Variants in VPS41 observed in about 807,000 individuals in gnomAD.
The protein encoded by VPS41 is VPS41 subunit of HOPS complex.
A neutral mutation model predicts 130.9 loss-of-function variants in VPS41; 85 were observed. The observed-to-expected ratio is 0.65, with a 90% CI of 0.55 to 0.78. The LOEUF (loss-of-function observed/expected upper bound fraction) is 0.78. Among genes scored for constraint, VPS41 ranks in the 30% least tolerant of loss-of-function variants. The pLI, the probability that VPS41 is intolerant of heterozygous loss-of-function variation, is 0.00. For synonymous variants in VPS41, 335 were observed against 332.9 expected, an observed-to-expected ratio of 1.01 and a Z score of -0.07; for missense variants, 874 against 1,018.7, an observed-to-expected ratio of 0.86 and a Z score of 1.93.
chr7:38,901,013 G>A lies in VPS41; in HGVS notation c.22-2884C>T, dbSNP rs17701257. On this transcript the variant is annotated intron_variant, in intron 1 of 28. Coordinates refer to ENST00000310301, the MANE Select transcript of VPS41 (RefSeq NM_014396.4). ...TTGAGAAAGGTAACAATTTGAGAAT[G>A]AGTCAGTGGTTTTCAAACTTTTTTT... 1.3e-3 allele frequency among the ~76,000 whole-genome samples: 197 copies of A among 152,332 alleles called. 1 individual carries two copies. The East Asian group carries it at 0.022, about 17-fold the overall frequency.
intron 25 of VPS41, among the ~76,000 whole-genome samples, chr7:38,740,711 AC>A (rs1795863766): frequency 6.6e-6 from 1 of 151,708 alleles, no homozygotes; most frequent in South Asian, 2.1e-4. Context: ...TCACACCCCC[AC>A]CCCCATCTTT....
Position 38,809,714 on chromosome 7 carries a change from C to T in VPS41, c.450+8103G>A, listed in dbSNP as rs115985202. Among the ~76,000 whole-genome samples the T allele has an allele frequency of 8.1e-3, 1,227 of 152,208 alleles. 18 individuals are homozygous for T. The highest frequency in any genetic ancestry group is 0.028 in the African/African-American group (1,167 of 41,526). ...CAGCTTACAAAGCAACTTGCCCCTG[C>T]GGCCAGGTCCCCTCATTCTATCCCA... On this transcript the variant is annotated intron_variant, in intron 7 of 28. Transcript: ENST00000310301.
At chr7:38,747,079 G>C (rs1355497236) in intron 22 of VPS41, among the ~76,000 whole-genome samples, 2 of 151,998 alleles carry the variant, frequency 1.3e-5, no homozygotes, top group Admixed American at 1.3e-4. Context: ...AGCTAATACC[G>C]AGAAAATCTT....
At chr7:38,729,780 G>A (rs1034519588) in intron 25 of VPS41, among the ~76,000 whole-genome samples, 1 of 152,166 alleles carries the variant, frequency 6.6e-6, no homozygotes, top group African/African-American at 2.4e-5. Flanking sequence ...GGACACAGCA[G>A]GGACAGGCGA....
At chr7:38,836,333 A>G (rs1785492974) in intron 4 of VPS41, among the ~76,000 whole-genome samples, 1 of 152,062 alleles carries the variant, frequency 6.6e-6, no homozygotes, top group Admixed American at 6.6e-5. Context: ...GTACTTAATT[A>G]TTTACTACAG....
At chr7:38,904,058 A>C (rs967822904) in intron 1 of VPS41, among the ~76,000 whole-genome samples, 3 of 152,148 alleles carry the variant, frequency 2.0e-5, no homozygotes, top group Admixed American at 1.3e-4. Context: ...CTGATTCAGT[A>C]GGTTTAAAAT....
chr7:38,838,169 T>G (rs1168263515), intron 4 of VPS41, among the ~76,000 whole-genome samples: 1 of 152,004 alleles, frequency 6.6e-6, no homozygotes, highest in Non-Finnish European at 1.5e-5. Flanking sequence ...AACAAATGCC[T>G]TACGTACATC....
chr7:38,806,189 G>C (rs1006355996), intron 7 of VPS41, among the ~76,000 whole-genome samples: 6 of 152,106 alleles, frequency 3.9e-5, no homozygotes, highest in African/African-American at 1.4e-4. Context: ...AAGTTTTCTG[G>C]AATACAATTT....
chr7:38,881,932 C>T (rs184523841), intron 2 of VPS41, among the ~76,000 whole-genome samples: 5 of 152,292 alleles, frequency 3.3e-5, no homozygotes, highest in Non-Finnish European at 4.4e-5. Flanking sequence ...CAGCAGCATG[C>T]TTTCTGAATA....
At position 38,814,987 on chromosome 7, in the gene VPS41, A is replaced by G. The variant is rs963941749; in HGVS notation, c.450+2830T>C. Reference sequence around the variant, plus strand: ...GCAGCTCCAACCAATATCCCAATTGAACCCTCATGAGCAACCTTCAGCCAG... The same window carrying G: ...GCAGCTCCAACCAATATCCCAATTGGACCCTCATGAGCAACCTTCAGCCAG... On this transcript the variant is annotated intron_variant, in intron 7 of 28. Coordinates refer to ENST00000310301, the MANE Select transcript of VPS41 (RefSeq NM_014396.4). Among the ~76,000 whole-genome samples the G allele has an allele frequency of 2.6e-5, 4 of 152,316 alleles. No individual in the cohort carries two copies. In the East Asian group the frequency reaches 7.7e-4, roughly 29 times the overall value.
At chr7:38,891,889 A>C (rs1786875347) in intron 2 of VPS41, among the ~76,000 whole-genome samples, 1 of 152,118 alleles carries the variant, frequency 6.6e-6, no homozygotes, top group Non-Finnish European at 1.5e-5. Context: ...TAAATTTCTA[A>C]ATACAGAAAT....
chr7:38,824,007 C>T (rs112729063), intron 5 of VPS41, among the ~76,000 whole-genome samples: 3,011 of 152,084 alleles, frequency 0.02, 110 homozygotes, highest in African/African-American at 0.068. Flanking sequence ...CTTGATGGAC[C>T]CCAACAAATC....
intron 4 of VPS41, among the ~76,000 whole-genome samples, chr7:38,844,301 T>C (rs1171506192): frequency 6.6e-6 from 1 of 152,240 alleles, no homozygotes; most frequent in African/African-American, 2.4e-5. Flanking sequence ...TTAAAGTGAA[T>C]AATATAAAAT....
In VPS41 at chr7:38,786,858, T is replaced by A. The variant is rs140740200; in HGVS notation, c.784+2943A>T. Among the ~76,000 whole-genome samples, 27 of 152,202 alleles carry A rather than the reference T, an allele frequency of 1.8e-4. No homozygotes were observed. In the East Asian group the frequency reaches 5.0e-3, roughly 28 times the overall value. On this transcript the variant is annotated intron_variant, in intron 10 of 28. Coordinates refer to ENST00000310301, the MANE Select transcript of VPS41 (RefSeq NM_014396.4). ...ACAAAGATCCCACTACTGTAACCCA[T>A]ATAGCTGAATCAAAATGGTAACAGG...
chr7:38,834,845 AT>A (rs1785461413), intron 4 of VPS41, among the ~76,000 whole-genome samples: 1 of 151,430 alleles, frequency 6.6e-6, no homozygotes. Context: ...GGTCATTCAT[AT>A]TTTCCAAGAA....
At chr7:38,900,556 A>G (rs1417190402) in intron 1 of VPS41, among the ~76,000 whole-genome samples, 2 of 152,256 alleles carry the variant, frequency 1.3e-5, no homozygotes, top group Non-Finnish European at 2.9e-5. Context: ...AAGAAAAAAC[A>G]GAAGTCTCCA....
intron 4 of VPS41, chr7:38,831,097 A>G (rs1213540364): frequency 2.4e-6 from 1 of 423,394 alleles, no homozygotes; most frequent in African/African-American, 2.1e-5. Flanking sequence ...TCTTTGAATA[A>G]ATTCCTTCCT....
chr7:38,767,272 T>G (rs1784064504), intron 15 of VPS41, among the ~76,000 whole-genome samples: 1 of 152,140 alleles, frequency 6.6e-6, no homozygotes, highest in Non-Finnish European at 1.5e-5. Context: ...TCATGGTTCT[T>G]GATACCTTTC....
rs377036232 is a variant in VPS41, at chr7:38,763,439, C to T, written c.1422+16G>A. On this transcript the variant is annotated intron_variant, in intron 17 of 28. Coordinates refer to ENST00000310301, the MANE Select transcript of VPS41 (RefSeq NM_014396.4). The stretch of plus-strand genomic sequence containing the variant: ...CATCGAGAACAAGTAAATATGACCA[C>T]ATCAGAACACCATACCTCATAATCA... 1.3e-6 allele frequency: 2 copies of T among 1,546,014 alleles called. No individual in the cohort carries two copies. The highest frequency in any genetic ancestry group is 2.8e-5 in the African/African-American group (2 of 72,148).
Sources: allele counts gnomAD v4.1 joint callset (sites outside exome capture counted in the v4.1 genomes callset), GRCh38; gene constraint gnomAD v4.1.1; transcripts MANE v1.5; gene names NCBI Gene and HGNC (gene_info 2026-07-23, HGNC 2026-07-21).